The following CCDC9 variants were observed in gnomAD, a reference collection of about 807,000 sequenced individuals.
CCDC9 encodes coiled-coil domain-containing protein 9.
Under a neutral mutation model 65.6 loss-of-function variants are expected in CCDC9, and 52 were observed. The observed-to-expected ratio is 0.79, with a 90% CI of 0.63 to 1.00. The LOEUF (loss-of-function observed/expected upper bound fraction) is 1.00. Ranked by LOEUF, CCDC9 falls within the 50% of genes least tolerant of loss-of-function variation. The pLI, the probability that CCDC9 is intolerant of heterozygous loss-of-function variation, is 0.00. For synonymous variants in CCDC9, 332 were observed against 280.3 expected (o/e 1.18, Z -1.84); for missense variants, 834 against 757.2 (o/e 1.10, Z -1.19).
At chr19:47,274,924 G>A (rs1308567644), downstream of CCDC9, 88 of 1,324,048 alleles carry the variant, frequency 6.6e-5, no homozygotes, top group Non-Finnish European at 7.8e-5. Flanking sequence ...GCGGGGATGC[G>A]GGGGACCAGC....
In CCDC9 at chr19:47,258,599, C is replaced by T. The variant is rs2059026262; in HGVS notation, c.44C>T (p.Ala15Val). ...TTGAAATCAAAGGAGGAGAAGGATG[C>T]TGAGTTGGACAAGAGGATCGAGGCT... The part of the protein sequence containing the change: ...LDLKSKEEKD[A>V]ELDKRIEALR... The change falls in exon 3 of 12, where the codon GCT becomes GTT. Residue 15 changes from alanine (A) to valine (V), a missense_variant. Coordinates refer to ENST00000221922, the MANE Select transcript of CCDC9 (RefSeq NM_015603.3). 4 of 1,614,004 alleles carry T rather than the reference C, an allele frequency of 2.5e-6. No individual in the cohort carries two copies. The highest frequency in any genetic ancestry group is 3.3e-5 in the Admixed American group (2 of 59,986).
chr19:47,275,212 G>A (rs2059150891), downstream of CCDC9: 1 of 1,525,960 alleles, frequency 6.6e-7, no homozygotes, highest in Non-Finnish European at 8.8e-7. Flanking sequence ...TGCCTCCTGG[G>A]AGTCCCCGGC....
chr19:47,257,533 C>G (rs957855993), intron 1 of CCDC9: 2 of 152,438 alleles, frequency 1.3e-5, no homozygotes, highest in African/African-American at 4.8e-5. Flanking sequence ...CCTGGCATTC[C>G]CAGCCGGATT....
downstream of CCDC9, chr19:47,275,269 A>C: frequency 6.5e-7 from 1 of 1,542,666 alleles, no homozygotes; most frequent in African/African-American, 1.4e-5. Flanking sequence ...CGCCGCCGCT[A>C]CAGCGACCCT....
chr19:47,262,107 G>A (rs1215393592), intron 5 of CCDC9, among the ~76,000 whole-genome samples: 1 of 151,966 alleles, frequency 6.6e-6, no homozygotes, highest in African/African-American at 2.4e-5. Context: ...CCTAAGTGGA[G>A]TAGGAGTTTA....
chr19:47,275,169 CCTGTCCCGGCG>C, downstream of CCDC9: 1 of 1,469,182 alleles, frequency 6.8e-7, no homozygotes, highest in Non-Finnish European at 9.0e-7. Context: ...GGGCGTGCCG[CCTGTCCCGGCG>C]CCCGCCGCTG....
Position 47,270,529 on chromosome 19 carries a change from A to T in CCDC9, c.950-24A>T, listed in dbSNP as rs888838. The stretch of plus-strand genomic sequence containing the variant: ...GGTGTGTGCCACACCTTCCCTTCCC[A>T]ATGACACCTGGGTTCTGTTGCAGAT... On this transcript the variant is annotated intron_variant, in intron 9 of 11. Transcript: ENST00000221922. The T allele has an allele frequency of 3.9e-5, 63 of 1,613,738 alleles. No homozygotes were observed. The African/African-American group carries it at 7.9e-4, about 20-fold the overall frequency.
rs1374188884 is a variant in CCDC9, at chr19:47,271,124, C to A, written c.1128C>A (p.Ser376=). 6.3e-7 allele frequency: 1 copy of A among 1,576,554 alleles called. No individual in the cohort carries two copies. Among genetic ancestry groups the A allele is most frequent in the East Asian group, 2.3e-5 (1 of 43,398 alleles). The change falls in exon 11 of 12, where the codon TCC becomes TCA. Residue 376 remains serine (S), a synonymous_variant. Coordinates refer to ENST00000221922, the MANE Select transcript of CCDC9 (RefSeq NM_015603.3). ...DRWETKEGAA[S]PAPETPQPTS... ...GGGAGACAAAAGAAGGGGCAGCATC[C>A]CCAGCCCCTGAGACTCCACAGCCTA...
downstream of CCDC9, chr19:47,275,200 C>T (rs1474056343): frequency 3.3e-6 from 5 of 1,515,954 alleles, no homozygotes; most frequent in Non-Finnish European, 4.4e-6. Flanking sequence ...GCCTCCCTCT[C>T]CTGCCTCCTG....
At chr19:47,258,103 A>T (rs777955603) in intron 1 of CCDC9, 1 of 504,332 alleles carries the variant, frequency 2.0e-6, no homozygotes, top group South Asian at 2.2e-5. Flanking sequence ...GTTTGACTAG[A>T]TCGTTTACAT....
intron 1 of CCDC9, among the ~76,000 whole-genome samples, chr19:47,257,136 C>A (rs1462485682): frequency 1.3e-5 from 2 of 148,384 alleles, no homozygotes; most frequent in African/African-American, 2.5e-5. Flanking sequence ...GAGCGTTGGC[C>A]GGGAGGCGGG....
At chr19:47,265,034 G>C in intron 7 of CCDC9, 88 bp downstream of exon 7, 1 of 1,160,352 alleles carries the variant, frequency 8.6e-7, no homozygotes, top group Non-Finnish European at 1.1e-6. Context: ...GGGCCATGGG[G>C]CCTCTCCTTT....
chr19:47,273,340 G>GC, downstream of CCDC9: 1 of 1,230,284 alleles, frequency 8.1e-7, no homozygotes, highest in Non-Finnish European at 1.0e-6. Context: ...CGCTGACTCA[G>GC]CCCCTTCTCT....
rs551681477 is a variant in CCDC9 at position 47,260,208 on chromosome 19, G to C, written c.109-113G>C. 1.5e-5 allele frequency: 11 copies of C among 730,190 alleles called. No individual in the cohort carries two copies. In the African/African-American group the frequency reaches 1.7e-4, roughly 12 times the overall value. The allele number at this position is 730,190 out of a possible 1,614,324, so 45.2% of individuals were successfully genotyped here. A position where few individuals can be genotyped will look rare whatever the true frequency, so the allele number is the denominator to read the frequency against. ...GATATGAGCGGCCTTCTTGTTCAGA[G>C]TCCAGGAGAGAGGCCTGGGCTGGGG... is the stretch of plus-strand genomic sequence containing the variant. On this transcript the variant is annotated intron_variant, in intron 3 of 11. Transcript: ENST00000221922.
At chr19:47,259,925 G>A (rs762638788) in intron 3 of CCDC9, among the ~76,000 whole-genome samples, 3 of 152,218 alleles carry the variant, frequency 2.0e-5, no homozygotes, top group Non-Finnish European at 4.4e-5. Context: ...TACAGGAGGT[G>A]AGGGGTTGGA....
intron 8 of CCDC9, among the ~76,000 whole-genome samples, chr19:47,267,843 CTTTT>C (rs912503560): frequency 1.4e-5 from 2 of 147,304 alleles, no homozygotes; most frequent in Non-Finnish European, 3.0e-5. Context: ...TCACCGTCAC[CTTTT>C]TTTTTTTACT....
Position 47,260,433 on chromosome 19 carries a change from C to T in CCDC9, c.210+11C>T, listed in dbSNP as rs761968793. On this transcript the variant is annotated intron_variant, in intron 4 of 11. Coordinates refer to ENST00000221922, the MANE Select transcript of CCDC9 (RefSeq NM_015603.3). ...GTGGCAGTGGAGTCGGTGAGCTCGT[C>T]ACTGGGGTGTGGGACCCTGAGGATG... The T allele has an allele frequency of 3.1e-6, 5 of 1,609,308 alleles. No individual in the cohort carries two copies. The highest frequency in any genetic ancestry group is 4.2e-6 in the Non-Finnish European group (5 of 1,177,666).
downstream of CCDC9, chr19:47,275,513 GGCCTTGCCTCTTGCA>G: frequency 1.0e-6 from 1 of 985,568 alleles, no homozygotes; most frequent in South Asian, 1.8e-5. Context: ...GTCAGCTCGG[GGCCTTGCCTCTTGCA>G]GCTACTCTGT....
intron 1 of CCDC9, 111 bp from the exon 2 acceptor site, chr19:47,258,219 C>G (rs573442739): frequency 1.7e-5 from 11 of 637,662 alleles, no homozygotes; most frequent in Non-Finnish European, 3.1e-5. Flanking sequence ...CTACAATTCT[C>G]TTGGGGTACA....
Sources: allele counts gnomAD v4.1 joint callset (sites outside exome capture counted in the v4.1 genomes callset), GRCh38; gene constraint gnomAD v4.1.1; transcripts MANE v1.5; gene names NCBI Gene and HGNC (gene_info 2026-07-23, HGNC 2026-07-21).